Variants in CHM observed in about 807,000 individuals in gnomAD.
The protein encoded by CHM is CHM Rab escort protein, also known as rab proteins geranylgeranyltransferase component A 1.
A neutral mutation model predicts 49.0 loss-of-function variants in CHM; 10 were observed. That is an observed-to-expected ratio of 0.20 (90% CI 0.13 to 0.35). The LOEUF is 0.35. Ranked by LOEUF, CHM falls within the 10% of genes least tolerant of loss-of-function variation. CHM has a pLI of 1.00. For synonymous variants in CHM, 184 were observed against 167.5 expected, an observed-to-expected ratio of 1.10 and a Z score of -0.76; for missense variants, 455 against 478.4, an observed-to-expected ratio of 0.95 and a Z score of 0.46.
intron 1 of CHM, among the ~76,000 whole-genome samples, chrX:86,029,993 A>T (rs1294377115): frequency 8.9e-6 from 1 of 111,828 alleles, no homozygotes; most frequent in East Asian, 2.8e-4. Flanking sequence ...ACTACCCCAA[A>T]CATAAACCTA....
intron 1 of CHM, among the ~76,000 whole-genome samples, chrX:86,027,921 C>T (rs1207732588): frequency 9.0e-6 from 1 of 110,883 alleles, no homozygotes; most frequent in African/African-American, 3.3e-5. Context: ...GCGCCGCACA[C>T]CCAGCTAATT....
intron 1 of CHM, among the ~76,000 whole-genome samples, chrX:86,028,073 T>A (rs1228936353): frequency 8.9e-6 from 1 of 112,283 alleles, no homozygotes; most frequent in Non-Finnish European, 1.9e-5. Context: ...ATATATTTTT[T>A]AAAAAGCAGT....
intron 12 of CHM, among the ~76,000 whole-genome samples, chrX:85,892,402 G>C (rs557032416): frequency 9.0e-6 from 1 of 110,530 alleles, no homozygotes; most frequent in Admixed American, 9.6e-5. Context: ...CTGAATCATG[G>C]GGGCCGGTCT....
At chrX:85,950,563 G>C (rs1054622605) in intron 8 of CHM, among the ~76,000 whole-genome samples, 5 of 110,272 alleles carry the variant, frequency 4.5e-5, no homozygotes, top group Non-Finnish European at 7.6e-5. Flanking sequence ...ATACAGAAGA[G>C]AGAATGCTAA....
intron 2 of CHM, among the ~76,000 whole-genome samples, chrX:86,017,735 T>G (rs1235638915): frequency 9.0e-6 from 1 of 110,962 alleles, no homozygotes; most frequent in Non-Finnish European, 1.9e-5. Flanking sequence ...AAATAGTCTT[T>G]AAAGAAAAAA....
At chrX:86,042,798 G>A (rs2147812998) in intron 1 of CHM, among the ~76,000 whole-genome samples, 1 of 109,707 alleles carries the variant, frequency 9.1e-6, no homozygotes, top group African/African-American at 3.3e-5. Flanking sequence ...ACTCCAACTA[G>A]GGTGACAGAG....
intron 2 of CHM, among the ~76,000 whole-genome samples, chrX:85,987,013 A>G (rs1427807586): frequency 8.9e-6 from 1 of 112,045 alleles, no homozygotes; most frequent in Non-Finnish European, 1.9e-5. Flanking sequence ...ATACAAGGAT[A>G]TCACAATGCA....
At chrX:85,896,979 A>ATATATACTATATAT (rs1288852166) in intron 11 of CHM, among the ~76,000 whole-genome samples, 3 of 95,954 alleles carry the variant, frequency 3.1e-5, no homozygotes, top group Non-Finnish European at 6.0e-5. Context: ...AATACATATA[A>ATATATACTATATAT]TATATACTAT....
Position 85,873,635 on chromosome X carries a change from G to A in CHM, c.1610-423C>T, listed in dbSNP as rs183449113. 5.5e-3 allele frequency among the ~76,000 whole-genome samples: 614 copies of A among 110,892 alleles called. 2 individuals are homozygous for A. The highest frequency in any genetic ancestry group is 0.014 in the Middle Eastern group (3 of 215). ...GTTACCTAGGGCTGAAGGAAATTGG[G>A]GGCAAATGGGAGGTGATCACTAATT... On this transcript the variant is annotated intron_variant, in intron 13 of 14. Transcript: ENST00000357749.
intron 5 of CHM, among the ~76,000 whole-genome samples, chrX:85,961,263 T>C (rs1347886828): frequency 9.2e-6 from 1 of 108,395 alleles, no homozygotes; most frequent in East Asian, 2.9e-4. Context: ...CTACTAAAAA[T>C]ACAAAAATTA....
chrX:85,884,876 G>T (rs1315212246), intron 12 of CHM, among the ~76,000 whole-genome samples: 1 of 111,006 alleles, frequency 9.0e-6, no homozygotes, highest in Non-Finnish European at 1.9e-5. Context: ...AAGTGGTTGA[G>T]AAGTTGAAAA....
chrX:85,991,166 T>C (rs561305668), intron 2 of CHM, among the ~76,000 whole-genome samples: 3 of 111,966 alleles, frequency 2.7e-5, no homozygotes, highest in Admixed American at 9.5e-5. Flanking sequence ...CCATCTTCCA[T>C]TGACAGCAGT....
intron 13 of CHM, among the ~76,000 whole-genome samples, chrX:85,878,217 C>A (rs1197434818): frequency 2.7e-5 from 3 of 112,029 alleles, no homozygotes; most frequent in Non-Finnish European, 5.6e-5. Context: ...CAGTGGCTCA[C>A]GCCTTTAATT....
At chrX:85,913,332 A>AAAAAAAAAAAAGAAAGAAAG (rs762266365) in intron 8 of CHM, among the ~76,000 whole-genome samples, 1 of 23,419 alleles carries the variant, frequency 4.3e-5, no homozygotes, top group East Asian at 1.4e-3. Context: ...AAAAAAAAAA[A>AAAAAAAAAAAAGAAAGAAAG]AAAGAAAGAA....
Position 85,900,675 on chromosome X carries a change from A to C in CHM, c.1384T>G (p.Ser462Ala). The change falls in exon 11 of 15, where the codon TCT becomes GCT. Residue 462 changes from serine (S) to alanine (A), a missense_variant. Physicochemically the swap from Ser to Ala is moderately conservative, Grantham distance 99. Coordinates refer to ENST00000357749, the MANE Select transcript of CHM (RefSeq NM_000390.4). ...ISRAVLITDRSVLKTDSDQQI... is the reference protein window; with the variant it reads ...ISRAVLITDRAVLKTDSDQQI... Reference sequence around the variant, plus strand: ...TGATCTGAATCTGTTTTTAGGACAGATCTATCTGTAATCAGCACTGCCCTG... The same window carrying C: ...TGATCTGAATCTGTTTTTAGGACAGCTCTATCTGTAATCAGCACTGCCCTG... 2.5e-6 allele frequency: 3 copies of C among 1,189,217 alleles called. No homozygotes were observed. The highest frequency in any genetic ancestry group is 3.4e-6 in the Non-Finnish European group (3 of 876,588).
intron 14 of CHM, among the ~76,000 whole-genome samples, chrX:85,867,244 G>T (rs754701398): frequency 1.2e-4 from 13 of 111,711 alleles, no homozygotes; most frequent in Non-Finnish European, 1.9e-4. Flanking sequence ...CACAAGATCT[G>T]ATGGTTTAAA....
chrX:85,962,715 C>G (rs1242710118), intron 5 of CHM, among the ~76,000 whole-genome samples: 1 of 111,761 alleles, frequency 8.9e-6, no homozygotes, highest in Non-Finnish European at 1.9e-5. Flanking sequence ...TTTTTCTCTA[C>G]TTTTACCCTG....
At chrX:85,925,345 G>C (rs988053179) in intron 8 of CHM, among the ~76,000 whole-genome samples, 3 of 111,155 alleles carry the variant, frequency 2.7e-5, no homozygotes, top group Non-Finnish European at 5.7e-5. Flanking sequence ...TGATGGAAAA[G>C]CACTGGTGTT....
intron 2 of CHM, among the ~76,000 whole-genome samples, chrX:86,005,436 A>T: frequency 1.8e-5 from 2 of 111,915 alleles, no homozygotes; most frequent in Middle Eastern, 9.2e-3. Flanking sequence ...AAAGAGACAG[A>T]TCCACAAAAA....
Sources: gnomAD v4.1 joint callset for allele counts (sites outside exome capture counted in the v4.1 genomes callset) on GRCh38, gnomAD v4.1.1 for gene constraint, MANE v1.5 for transcripts, NCBI Gene and HGNC (gene_info 2026-07-23, HGNC 2026-07-21) for gene names.